PLCL2: variants seen among roughly 807,000 people sequenced by gnomAD.
The protein encoded by PLCL2 is phospholipase C like 2.
Under a neutral mutation model 79.6 loss-of-function variants are expected in PLCL2, and 4 were observed. The observed-to-expected ratio is 0.05, with a 90% CI of 0.02 to 0.11. The LOEUF (loss-of-function observed/expected upper bound fraction) is 0.11, where lower values mean the gene tolerates loss of function less well. PLCL2 is among the 10% of genes least tolerant of loss of function. PLCL2 has a pLI of 1.00. For synonymous variants in PLCL2, 484 were observed against 457.7 expected (o/e 1.06, Z -0.73); for missense variants, 895 against 1,291.0 (o/e 0.69, Z 4.70).
intron 5 of PLCL2, among the ~76,000 whole-genome samples, chr3:17,087,012 G>A (rs761575862): frequency 1.3e-5 from 2 of 152,206 alleles, no homozygotes; most frequent in Admixed American, 6.5e-5. Flanking sequence ...ATGCTGGCGA[G>A]GATGTGAAAC....
chr3:16,937,340 A>G (rs1697564669), intron 1 of PLCL2, among the ~76,000 whole-genome samples: 1 of 152,250 alleles, frequency 6.6e-6, no homozygotes, highest in African/African-American at 2.4e-5. Flanking sequence ...TTATATTGAA[A>G]TGAAATCAGT....
At chr3:16,951,844 T>C (rs1042090032) in intron 1 of PLCL2, among the ~76,000 whole-genome samples, 7 of 151,064 alleles carry the variant, frequency 4.6e-5, no homozygotes, top group African/African-American at 1.7e-4. Flanking sequence ...TAATTTGGCC[T>C]GTATGTTTTC....
At chr3:16,900,036 G>T (rs569982372) in intron 1 of PLCL2, among the ~76,000 whole-genome samples, 1 of 152,070 alleles carries the variant, frequency 6.6e-6, no homozygotes, top group Non-Finnish European at 1.5e-5. Flanking sequence ...GTAACTGCAG[G>T]CCCAGTCCAT....
At chr3:17,019,036 T>TA (rs2064416550) in intron 3 of PLCL2, among the ~76,000 whole-genome samples, 1 of 152,244 alleles carries the variant, frequency 6.6e-6, no homozygotes, top group Non-Finnish European at 1.5e-5. Context: ...ATAGATATTT[T>TA]AAAATATATA....
At chr3:17,059,599 T>C (rs1206206625) in intron 4 of PLCL2, among the ~76,000 whole-genome samples, 1 of 151,948 alleles carries the variant, frequency 6.6e-6, no homozygotes, top group Non-Finnish European at 1.5e-5. Context: ...TAGATATAGA[T>C]AGTTGTAAAA....
At chr3:16,966,169 C>A (rs1348110854) in intron 1 of PLCL2, among the ~76,000 whole-genome samples, 3 of 146,500 alleles carry the variant, frequency 2.0e-5, no homozygotes, top group Non-Finnish European at 3.0e-5. Context: ...ATAAATAGCT[C>A]TTATTATTTT....
At chr3:17,066,570 G>C (rs1422114903) in intron 4 of PLCL2, among the ~76,000 whole-genome samples, 1 of 152,208 alleles carries the variant, frequency 6.6e-6, no homozygotes, top group East Asian at 1.9e-4. Context: ...AAAATGTCTT[G>C]TAAAATTTAC....
intron 1 of PLCL2, among the ~76,000 whole-genome samples, chr3:16,979,197 A>C (rs536583341): frequency 4.3e-4 from 66 of 152,228 alleles, no homozygotes; most frequent in Non-Finnish European, 7.4e-4. Flanking sequence ...GCCTCAATTA[A>C]ATCTATGGCA....
At chr3:16,937,370 G>T (rs1697565202) in intron 1 of PLCL2, among the ~76,000 whole-genome samples, 1 of 152,198 alleles carries the variant, frequency 6.6e-6, no homozygotes, top group Non-Finnish European at 1.5e-5. Flanking sequence ...CCTGAGGACA[G>T]GTTGAGAACC....
chr3:16,958,662 T>G (rs1417693399), intron 1 of PLCL2, among the ~76,000 whole-genome samples: 3 of 152,276 alleles, frequency 2.0e-5, no homozygotes, highest in Non-Finnish European at 2.9e-5. Context: ...TGTGGGTAAC[T>G]GCAAACCTTC....
chr3:16,967,776 A>G (rs2063821706), intron 1 of PLCL2, among the ~76,000 whole-genome samples: 1 of 151,936 alleles, frequency 6.6e-6, no homozygotes, highest in African/African-American at 2.4e-5. Flanking sequence ...ATTAAGTCCC[A>G]TTTGTCAATT....
At chr3:16,992,516 A>G (rs947354517) in intron 1 of PLCL2, among the ~76,000 whole-genome samples, 1 of 152,186 alleles carries the variant, frequency 6.6e-6, no homozygotes, top group African/African-American at 2.4e-5. Flanking sequence ...GATAGGTGAG[A>G]AGGCCAGAGT....
At chr3:16,953,016 A>C (rs570122581) in intron 1 of PLCL2, among the ~76,000 whole-genome samples, 3 of 152,286 alleles carry the variant, frequency 2.0e-5, no homozygotes, top group South Asian at 4.1e-4. Context: ...AATTTAAAAA[A>C]TGTAATTCTA....
At chr3:17,036,500 A>G (rs759905516) in intron 3 of PLCL2, among the ~76,000 whole-genome samples, 82 of 152,320 alleles carry the variant, frequency 5.4e-4, no homozygotes, top group Middle Eastern at 6.8e-3. Context: ...CTTCACCCGC[A>G]CAGTAATAAT....
At chr3:16,930,398 G>A (rs1414849474) in intron 1 of PLCL2, among the ~76,000 whole-genome samples, 1 of 152,196 alleles carries the variant, frequency 6.6e-6, no homozygotes, top group Non-Finnish European at 1.5e-5. Context: ...ATTGGGAACA[G>A]CTGTGTTTGA....
At chr3:17,067,863 C>A in intron 4 of PLCL2, 93 bp from the exon 5 acceptor site, 1 of 649,156 alleles carries the variant, frequency 1.5e-6, no homozygotes, top group Non-Finnish European at 2.6e-6. Context: ...AGGTTGGAAT[C>A]ATTTTAGCTG....
intron 1 of PLCL2, among the ~76,000 whole-genome samples, chr3:16,974,403 A>G (rs1267210773): frequency 6.6e-6 from 1 of 152,160 alleles, no homozygotes; most frequent in Non-Finnish European, 1.5e-5. Context: ...GCGGGGATTT[A>G]GGAGGTAGTG....
intron 4 of PLCL2, among the ~76,000 whole-genome samples, chr3:17,061,223 A>G (rs1575610232): frequency 6.6e-6 from 1 of 152,218 alleles, no homozygotes; most frequent in Admixed American, 6.5e-5. Context: ...AGATGATGCC[A>G]TGTTTCTGAC....
At position 17,014,875 on chromosome 3, in the gene PLCL2, G is replaced by A. The variant is rs200236631; in HGVS notation, c.2982G>A (p.Pro994=). The A allele has an allele frequency of 6.3e-5, 101 of 1,614,090 alleles. No homozygotes were observed. The highest frequency in any genetic ancestry group is 7.5e-5 in the Non-Finnish European group (88 of 1,179,972). ...CAATGGAGCTGCAGGGAATTGTGCC[G>A]GAGGTTCTGAAGAAGATCGTAACAA... is the stretch of plus-strand genomic sequence containing the variant. ...YPTMELQGIV[P]EVLKKIVTTY... is the part of the protein sequence containing the mutation. The change falls in exon 3 of 6, where the codon CCG becomes CCA. Residue 994 remains proline (P), a synonymous_variant. Coordinates refer to ENST00000615277, the MANE Select transcript of PLCL2 (RefSeq NM_001144382.2).
Sources: allele counts gnomAD v4.1 joint callset (sites outside exome capture counted in the v4.1 genomes callset), GRCh38; gene constraint gnomAD v4.1.1; transcripts MANE v1.5; gene names NCBI Gene and HGNC (gene_info 2026-07-23, HGNC 2026-07-21).